SALL3: variants seen among roughly 807,000 people sequenced by gnomAD.
SALL3 encodes the protein spalt like transcription factor 3.
Under a neutral mutation model 66.2 loss-of-function variants are expected in SALL3, and 25 were observed. That is an observed-to-expected ratio of 0.38 (90% CI 0.28 to 0.53). The LOEUF is 0.53. SALL3 is among the 20% of genes least tolerant of loss of function. SALL3 has a pLI of 0.85. For synonymous variants in SALL3, 1,152 were observed against 899.1 expected (o/e 1.28, Z -5.03); for missense variants, 2,194 against 1,916.5 (o/e 1.14, Z -2.70).
intron 1 of SALL3, 26 bp downstream of exon 1, chr18:78,980,382 C>G: frequency 7.3e-7 from 1 of 1,368,806 alleles, no homozygotes; most frequent in Non-Finnish European, 9.5e-7. Flanking sequence ...GCGGGGTGGC[C>G]GGGGGGTCTG....
Position 78,997,557 on chromosome 18 carries a change from C to G in SALL3, c.*235C>G. 1 of 535,356 alleles carries G rather than the reference C, an allele frequency of 1.9e-6. No homozygotes were observed. The highest frequency in any genetic ancestry group is 3.2e-5 in the South Asian group (1 of 31,230). The allele number at this position is 535,356 out of a possible 1,614,324, so 33.2% of individuals were successfully genotyped here. On this transcript the variant is annotated 3_prime_UTR_variant, in exon 3 of 3. Transcript: ENST00000537592. ...TAAGCTTCCTTCAAAAAAAAAAGTGCTTGGAAAACCGCCTTAGGAACAGAA... is the reference window on the plus strand; with the variant it reads ...TAAGCTTCCTTCAAAAAAAAAAGTGGTTGGAAAACCGCCTTAGGAACAGAA...
chr18:78,994,379 C>T lies in SALL3; in HGVS notation c.2388C>T (p.Tyr796=). Residue 796 remains tyrosine, a synonymous_variant, in exon 2 of 3, where the codon TAC becomes TAT. Transcript: ENST00000537592. Reference sequence around the variant, plus strand: ...AGAACGCGGAGACCCTGAGCAGCTACGATGACGACATGGACGAGAACTCCA... The same window carrying T: ...AGAACGCGGAGACCCTGAGCAGCTATGATGACGACATGGACGAGAACTCCA... The part of the protein sequence containing the change: ...DDKNAETLSS[Y]DDDMDENSME... 2 of 1,613,338 alleles carry T rather than the reference C, an allele frequency of 1.2e-6. No homozygotes were observed. Among genetic ancestry groups the T allele is most frequent in the Admixed American group, 1.7e-5 (1 of 60,024 alleles).
chr18:78,993,690 T>C lies in SALL3; in HGVS notation c.1699T>C (p.Ser567Pro), dbSNP rs891900601. The C allele has an allele frequency of 6.3e-7, 1 of 1,578,750 alleles. No homozygotes were observed. The highest frequency in any genetic ancestry group is 1.7e-5 in the Admixed American group (1 of 57,174). The change falls in exon 2 of 3, where the codon TCC becomes CCC. Residue 567 changes from serine to proline, a missense_variant. Coordinates refer to ENST00000537592, the MANE Select transcript of SALL3 (RefSeq NM_171999.4). ...CGCCTCCAGCGAGTGCGCCTCCTTGTCCCCAGGCCTCAACCACGTGGAGTC... is the reference window on the plus strand; with the variant it reads ...CGCCTCCAGCGAGTGCGCCTCCTTGCCCCCAGGCCTCAACCACGTGGAGTC... ...SPASSECASL[S>P]PGLNHVESGV... is the part of the protein sequence containing the mutation.
At chr18:78,991,255 C>T (rs1287118623) in intron 1 of SALL3, among the ~76,000 whole-genome samples, 1 of 151,928 alleles carries the variant, frequency 6.6e-6, no homozygotes, top group Non-Finnish European at 1.5e-5. Flanking sequence ...GTTCATTTTG[C>T]CAAGAAATAT....
rs1239244210 is a variant in SALL3, at chr18:78,995,279, G to T, written c.3288G>T (p.Pro1096=). 2 of 1,586,410 alleles carry T rather than the reference G, an allele frequency of 1.3e-6. No individual in the cohort carries two copies. The highest frequency in any genetic ancestry group is 1.7e-5 in the Admixed American group (1 of 57,514). Residue 1096 remains proline (P), a synonymous_variant, in exon 2 of 3, where the codon CCG becomes CCT. Coordinates refer to ENST00000537592, the MANE Select transcript of SALL3 (RefSeq NM_171999.4). ...VPAGPQTVMG[P]GLAPMLAPPP... Reference sequence around the variant, plus strand: ...CCGGGCCTCAGACAGTGATGGGCCCGGGCCTGGCGCCCATGCTGGCCCCCC... The same window carrying T: ...CCGGGCCTCAGACAGTGATGGGCCCTGGCCTGGCGCCCATGCTGGCCCCCC...
chr18:78,993,788 C>T lies in SALL3; in HGVS notation c.1797C>T (p.Val599=), dbSNP rs756238787. Residue 599 remains valine (V), a synonymous_variant, in exon 2 of 3, where the codon GTC becomes GTT. Coordinates refer to ENST00000537592, the MANE Select transcript of SALL3 (RefSeq NM_171999.4). Reference sequence around the variant, plus strand: ...CGCCCCTCACTAAAGCCGAGCCCGTCAGCCTGCCCTGCACCAACGCCAGGG... The same window carrying T: ...CGCCCCTCACTAAAGCCGAGCCCGTTAGCCTGCCCTGCACCAACGCCAGGG... ...GGPPLTKAEP[V]SLPCTNARAG... The T allele has an allele frequency of 1.8e-5, 28 of 1,551,738 alleles. No homozygotes were observed. In the Admixed American group the frequency reaches 5.3e-4, roughly 29 times the overall value.
chr18:78,991,326 T>G (rs1914425569), intron 1 of SALL3, among the ~76,000 whole-genome samples: 1 of 133,304 alleles, frequency 7.5e-6, no homozygotes, highest in Non-Finnish European at 1.5e-5. Context: ...TAGACTGTAT[T>G]GATTTGGCAA....
At chr18:78,995,590 G>T (rs1438802997) in intron 2 of SALL3, 128 bp downstream of exon 2, 2 of 1,389,086 alleles carry the variant, frequency 1.4e-6, no homozygotes, top group Non-Finnish European at 1.9e-6. Flanking sequence ...GAGATGCCAC[G>T]CCTGTGGGTG....
chr18:78,993,625 G>A lies in SALL3; in HGVS notation c.1634G>A (p.Ser545Asn). 1 of 1,585,456 alleles carries A rather than the reference G, an allele frequency of 6.3e-7. No individual in the cohort carries two copies. The highest frequency in any genetic ancestry group is 1.3e-5 in the African/African-American group (1 of 74,488). The change falls in exon 2 of 3, where the codon AGC becomes AAC. Residue 545 changes from serine to asparagine, a missense_variant. Physicochemically the swap from Ser to Asn is conservative, Grantham distance 46 (BLOSUM62 1). Transcript: ENST00000537592. ...GCGCACGGCTACGCCGACTCTCCCA[G>A]CGCCACCCCAGCCAGCCGCTCCCCG... ...PGAHGYADSP[S>N]ATPASRSPQR...
Position 78,997,425 on chromosome 18 carries a change from G to A in SALL3, c.*103G>A. The stretch of plus-strand genomic sequence containing the variant: ...GGTTCTCATTACACTTTCACCCATA[G>A]CAGAAAACACTTTGTGCGGCTGCCG... On this transcript the variant is annotated 3_prime_UTR_variant, in exon 3 of 3. Coordinates refer to ENST00000537592, the MANE Select transcript of SALL3 (RefSeq NM_171999.4). 1 of 1,206,100 alleles carries A rather than the reference G, an allele frequency of 8.3e-7. No individual in the cohort carries two copies. Among genetic ancestry groups the A allele is most frequent in the South Asian group, 1.4e-5 (1 of 72,616 alleles). The allele number at this position is 1,206,100 out of a possible 1,614,324, so 74.7% of individuals were successfully genotyped here. A position where few individuals can be genotyped will look rare whatever the true frequency, so the allele number is the denominator to read the frequency against.
intron 1 of SALL3, among the ~76,000 whole-genome samples, chr18:78,987,203 A>G (rs1387476941): frequency 6.6e-6 from 1 of 152,198 alleles, no homozygotes; most frequent in African/African-American, 2.4e-5. Flanking sequence ...AAGATCATCC[A>G]GGCTAAAAAT....
At position 78,993,131 on chromosome 18, in the gene SALL3, C is replaced by T. The variant is rs267605261; in HGVS notation, c.1140C>T (p.Ile380=). Residue 380 remains isoleucine (I), a synonymous_variant, in exon 2 of 3, where the codon ATC becomes ATT. Coordinates refer to ENST00000537592, the MANE Select transcript of SALL3 (RefSeq NM_171999.4). ...GVIFPNPLVS[I]AATANALDPL... ...TCTTCCCCAACCCGCTGGTCAGCATCGCGGCCACGGCCAACGCTCTGGACC... is the reference window on the plus strand; with the variant it reads ...TCTTCCCCAACCCGCTGGTCAGCATTGCGGCCACGGCCAACGCTCTGGACC... 5 of 1,605,356 alleles carry T rather than the reference C, an allele frequency of 3.1e-6. No individual in the cohort carries two copies. The highest frequency in any genetic ancestry group is 4.2e-6 in the Non-Finnish European group (5 of 1,177,580).
chr18:78,985,766 T>C (rs1166871225), intron 1 of SALL3, among the ~76,000 whole-genome samples: 4 of 152,206 alleles, frequency 2.6e-5, no homozygotes, highest in Non-Finnish European at 5.9e-5. Context: ...TTTATTTCTA[T>C]GCATAGTGGA....
At chr18:78,988,199 A>T (rs929218622) in intron 1 of SALL3, among the ~76,000 whole-genome samples, 1 of 152,244 alleles carries the variant, frequency 6.6e-6, no homozygotes, top group Non-Finnish European at 1.5e-5. Flanking sequence ...TTTGAATCTG[A>T]CATAATACTG....
At position 78,992,539 on chromosome 18, in the gene SALL3, A is replaced by T; in HGVS notation, c.548A>T (p.Gln183Leu). The change falls in exon 2 of 3, where the codon CAG becomes CTG. Residue 183 changes from glutamine (Q) to leucine (L), a missense_variant. Gln to Leu is a moderately radical substitution (Grantham distance 113). Transcript: ENST00000537592. ...STKVAVAQFS[Q>L]GARAAGGSGA... ...AAGGTGGCGGTGGCGCAGTTCTCGC[A>T]GGGCGCGCGCGCGGCAGGCGGCTCG... is the stretch of plus-strand genomic sequence containing the variant. 1 of 1,495,694 alleles carries T rather than the reference A, an allele frequency of 6.7e-7. No individual in the cohort carries two copies. Among genetic ancestry groups the T allele is most frequent in the Non-Finnish European group, 8.9e-7 (1 of 1,129,428 alleles). The allele number at this position is 1,495,694 out of a possible 1,614,324, so 92.7% of individuals were successfully genotyped here. A position where few individuals can be genotyped will look rare whatever the true frequency, so the allele number is the denominator to read the frequency against.
At chr18:78,991,859 G>A (rs1185293941) in intron 1 of SALL3, 2 of 426,282 alleles carry the variant, frequency 4.7e-6, no homozygotes, top group Admixed American at 8.5e-5. Flanking sequence ...TTAAGAAGCA[G>A]GATCCACAAT....
In SALL3 at chr18:78,994,975, A is replaced by G; in HGVS notation, c.2984A>G (p.His995Arg). 3 of 1,613,730 alleles carry G rather than the reference A, an allele frequency of 1.9e-6. No homozygotes were observed. The highest frequency in any genetic ancestry group is 1.1e-5 in the South Asian group (1 of 91,088). Residue 995 changes from histidine (H) to arginine (R), a missense_variant, in exon 2 of 3, where the codon CAC (histidine) becomes CGC (arginine). Transcript: ENST00000537592. ...GCTTGCAAGAGCGCGTTGGAAATCC[A>G]CTACCGCAGCCATACTAAGGAGCGG... is the stretch of plus-strand genomic sequence containing the variant. ...PFACKSALEIHYRSHTKERPF... is the reference protein window; with the variant it reads ...PFACKSALEIRYRSHTKERPF...
Position 78,993,875 on chromosome 18 carries a change from C to T in SALL3, c.1884C>T (p.Pro628=). The T allele has an allele frequency of 2.5e-6, 4 of 1,569,504 alleles. No homozygotes were observed. Among genetic ancestry groups the T allele is most frequent in the Non-Finnish European group, 2.6e-6 (3 of 1,159,296 alleles). The change falls in exon 2 of 3, where the codon CCC becomes CCT. Residue 628 remains proline, a synonymous_variant. Coordinates refer to ENST00000537592, the MANE Select transcript of SALL3 (RefSeq NM_171999.4). The part of the protein sequence containing the change: ...SAAPTSVDGA[P]TSLGSPGLPA... ...CACCCACATCGGTGGACGGCGCACC[C>T]ACGAGCCTCGGCAGCCCCGGGCTGC... is the stretch of plus-strand genomic sequence containing the variant.
At position 78,997,401 on chromosome 18, in the gene SALL3, G is replaced by A; in HGVS notation, c.*79G>A. On this transcript the variant is annotated 3_prime_UTR_variant, in exon 3 of 3. Coordinates refer to ENST00000537592, the MANE Select transcript of SALL3 (RefSeq NM_171999.4). The stretch of plus-strand genomic sequence containing the variant: ...CAGGCCTCCGACCTTTCTTGCCTCG[G>A]TTCTCATTACACTTTCACCCATAGC... 4 of 1,412,122 alleles carry A rather than the reference G, an allele frequency of 2.8e-6. No individual in the cohort carries two copies. Among genetic ancestry groups the A allele is most frequent in the East Asian group, 2.3e-5 (1 of 43,682 alleles). 87.5% of individuals were successfully genotyped at this position (1,412,122 alleles called of 1,614,324 possible).
Sources: gnomAD v4.1 joint callset for allele counts (sites outside exome capture counted in the v4.1 genomes callset) on GRCh38, gnomAD v4.1.1 for gene constraint, MANE v1.5 for transcripts, NCBI Gene and HGNC (gene_info 2026-07-23, HGNC 2026-07-21) for gene names.